Variants in MIDEAS observed in about 807,000 individuals in gnomAD.
MIDEAS encodes mitotic deacetylase associated SANT domain protein, also known as mitotic deacetylase-associated SANT domain protein.
Under a neutral mutation model 102.7 loss-of-function variants are expected in MIDEAS, and 26 were observed. The ratio of observed to expected loss-of-function variants is 0.25; its 90% CI spans 0.19 to 0.35. The LOEUF (loss-of-function observed/expected upper bound fraction) is 0.35, where lower values mean the gene tolerates loss of function less well. Ranked by LOEUF, MIDEAS falls within the 10% of genes least tolerant of loss-of-function variation. The pLI is 1.00. For missense variants in MIDEAS, 1,231 were observed against 1,435.6 expected, an observed-to-expected ratio of 0.86 and a Z score of 2.30; for synonymous variants, 585 against 591.0, an observed-to-expected ratio of 0.99 and a Z score of 0.15.
At chr14:73,762,811 C>T (rs1260687143), upstream of MIDEAS, among the ~76,000 whole-genome samples, 4 of 152,194 alleles carry the variant, frequency 2.6e-5, no homozygotes, top group African/African-American at 9.6e-5. Flanking sequence ...ACCCTCTTTA[C>T]AAACTGCACG....
At chr14:73,782,598 G>C (rs1191521815) in intron 1 of MIDEAS, among the ~76,000 whole-genome samples, 1 of 152,196 alleles carries the variant, frequency 6.6e-6, no homozygotes, top group Non-Finnish European at 1.5e-5. Flanking sequence ...CCAAAGTGCT[G>C]GGATTATTGG....
chr14:73,787,900 G>C (rs112886788), upstream of MIDEAS, among the ~76,000 whole-genome samples: 92 of 152,150 alleles, frequency 6.0e-4, 1 homozygote, highest in African/African-American at 2.0e-3. Flanking sequence ...AGAAAATAGA[G>C]TCTGATGCAT....
chr14:73,775,260 A>C (rs1035887789), intron 1 of MIDEAS, among the ~76,000 whole-genome samples: 3 of 151,992 alleles, frequency 2.0e-5, no homozygotes, highest in African/African-American at 4.8e-5. Flanking sequence ...ACAAGAGTAC[A>C]TGTGCCATTC....
At chr14:73,741,766 AG>A (rs2140128369) in intron 1 of MIDEAS, among the ~76,000 whole-genome samples, 1 of 152,268 alleles carries the variant, frequency 6.6e-6, no homozygotes, top group South Asian at 2.1e-4. Context: ...AGCACCCAGA[AG>A]GGGAGTAATT....
At position 73,729,984 on chromosome 14, in the gene MIDEAS, G is replaced by T. The variant is rs756027039; in HGVS notation, c.1751C>A (p.Ala584Glu). 6.2e-7 allele frequency: 1 copy of T among 1,602,696 alleles called. No individual in the cohort carries two copies. Among genetic ancestry groups the T allele is most frequent in the African/African-American group, 1.3e-5 (1 of 74,474 alleles). ...CTCCAACTTGACATTCATGTCCTCTGCCTGGAGAAGGAAAGAAAACAAGGA... is the reference window on the plus strand; with the variant it reads ...CTCCAACTTGACATTCATGTCCTCTTCCTGGAGAAGGAAAGAAAACAAGGA... ...RIPGTDAQAQ[A>E]EDMNVKLEGE... is the part of the protein sequence containing the mutation. Residue 584 changes from alanine to glutamate, a missense_variant and splice_region_variant, in exon 4 of 13, where the codon GCA becomes GAA. Physicochemically the swap from Ala to Glu is moderately radical, Grantham distance 107. Around this residue, in one of 5 missense-constraint regions of MIDEAS, gnomAD observed 758 missense variants for 856.0 expected, o/e 0.89. Transcript: ENST00000423556.
intron 12 of MIDEAS, 83 bp downstream of exon 12, chr14:73,719,222 T>TCCCCCGGCCCCCCCCCCCCCCC: frequency 6.7e-7 from 1 of 1,497,120 alleles, no homozygotes; most frequent in Non-Finnish European, 8.9e-7. Flanking sequence ...CTGTACCTCT[T>TCCCCCGGCCCCCCCCCCCCCCC]CCCCCTCCCC....
Position 73,738,809 on chromosome 14 carries a change from G to A in MIDEAS, c.1200C>T (p.Phe400=), listed in dbSNP as rs770610529. ...GCTGCGACTCCCTCAGCTCCAGCGGGAATCCCAGAGCTTCAGGATGGGGCT... is the reference window on the plus strand; with the variant it reads ...GCTGCGACTCCCTCAGCTCCAGCGGAAATCCCAGAGCTTCAGGATGGGGCT... The part of the protein sequence containing the change: ...LGQPHPEALG[F]PLELRESQLL... Residue 400 remains phenylalanine, a synonymous_variant, in exon 2 of 13, where the codon TTC becomes TTT. Transcript: ENST00000423556. 2.5e-6 allele frequency: 4 copies of A among 1,574,414 alleles called. No individual in the cohort carries two copies. Among genetic ancestry groups the A allele is most frequent in the Non-Finnish European group, 3.5e-6 (4 of 1,158,838 alleles).
At chr14:73,747,940 C>A (rs562573230) in intron 1 of MIDEAS, among the ~76,000 whole-genome samples, 3 of 152,196 alleles carry the variant, frequency 2.0e-5, no homozygotes, top group Non-Finnish European at 1.5e-5. Flanking sequence ...CTAGGGTTAA[C>A]TGTGGCTCTT....
chr14:73,755,877 A>G (rs1177662149), intron 1 of MIDEAS, among the ~76,000 whole-genome samples: 1 of 152,206 alleles, frequency 6.6e-6, no homozygotes, highest in Non-Finnish European at 1.5e-5. Flanking sequence ...GAACTGGTGA[A>G]ATGAGAGTTG....
intron 1 of MIDEAS, among the ~76,000 whole-genome samples, chr14:73,741,459 G>A (rs145241535): frequency 5.3e-5 from 8 of 152,106 alleles, no homozygotes; most frequent in Non-Finnish European, 7.4e-5. Context: ...AAAACAGCTC[G>A]GGCGGCTCTG....
At chr14:73,779,281 G>A (rs1344422800) in intron 1 of MIDEAS, among the ~76,000 whole-genome samples, 6 of 150,734 alleles carry the variant, frequency 4.0e-5, no homozygotes, top group Non-Finnish European at 8.9e-5. Flanking sequence ...TGTAGTCCCA[G>A]CTACTCAGGA....
chr14:73,787,717 T>A (rs1044083048), upstream of MIDEAS, among the ~76,000 whole-genome samples: 1 of 152,208 alleles, frequency 6.6e-6, no homozygotes, highest in Non-Finnish European at 1.5e-5. Flanking sequence ...TGTCCCCACG[T>A]TCTCTCTAAA....
chr14:73,721,617 C>T, intron 10 of MIDEAS, 108 bp from the exon 11 acceptor site: 1 of 954,670 alleles, frequency 1.0e-6, no homozygotes, highest in Non-Finnish European at 1.6e-6. Context: ...GTCCTGCTCG[C>T]CTGGCTGGCC....
chr14:73,728,544 C>T (rs2053095276), intron 4 of MIDEAS: 2 of 152,400 alleles, frequency 1.3e-5, no homozygotes, highest in African/African-American at 4.8e-5. Flanking sequence ...CCCCACCCCT[C>T]TTGAATACAG....
chr14:73,777,410 C>T (rs2053701451), intron 1 of MIDEAS, among the ~76,000 whole-genome samples: 1 of 152,048 alleles, frequency 6.6e-6, no homozygotes, highest in Non-Finnish European at 1.5e-5. Flanking sequence ...AATTTAGCTA[C>T]AGTTAGCTTC....
chr14:73,737,168 T>C lies in MIDEAS; in HGVS notation c.1579A>G (p.Ile527Val), dbSNP rs756956901. Residue 527 changes from isoleucine (I) to valine (V), a missense_variant, in exon 3 of 13, where the codon ATC becomes GTC. Around this residue, in one of 5 missense-constraint regions of MIDEAS, gnomAD observed 758 missense variants for 856.0 expected, o/e 0.89. Coordinates refer to ENST00000423556, the MANE Select transcript of MIDEAS (RefSeq NM_001367710.1). ...GTTCGCACAGGCACAGACACTGGGA[T>C]GATGAGGGGTACCATCCCACTGTCT... is the stretch of plus-strand genomic sequence containing the variant. ...REDSGMVPLI[I>V]PVSVPVRTVD... is the part of the protein sequence containing the mutation. 1 of 1,614,030 alleles carries C rather than the reference T, an allele frequency of 6.2e-7. No individual in the cohort carries two copies. The highest frequency in any genetic ancestry group is 8.5e-7 in the Non-Finnish European group (1 of 1,179,992).
intron 1 of MIDEAS, among the ~76,000 whole-genome samples, chr14:73,771,399 G>A (rs527299752): frequency 6.6e-6 from 1 of 152,290 alleles, no homozygotes; most frequent in East Asian, 1.9e-4. Flanking sequence ...CACCCACCTG[G>A]GGACTCTGCA....
upstream of MIDEAS, among the ~76,000 whole-genome samples, chr14:73,762,925 A>C (rs2140159984): frequency 6.6e-6 from 1 of 152,328 alleles, no homozygotes; most frequent in Non-Finnish European, 1.5e-5. Flanking sequence ...TTCCCAATAA[A>C]GGTAGAATAT....
upstream of MIDEAS, among the ~76,000 whole-genome samples, chr14:73,761,098 G>A (rs947729152): frequency 3.9e-5 from 6 of 152,068 alleles, no homozygotes; most frequent in Admixed American, 1.3e-4. Flanking sequence ...TGGTGGTGGC[G>A]GCGGCGGTGG....
Sources: gnomAD v4.1 joint callset for allele counts (sites outside exome capture counted in the v4.1 genomes callset) on GRCh38, gnomAD v4.1.1 for gene constraint, gnomAD v4.1.1 regional missense constraint, MANE v1.5 for transcripts, NCBI Gene and HGNC (gene_info 2026-07-23, HGNC 2026-07-21) for gene names.